Variants in KDM6A observed in about 807,000 individuals in gnomAD.
KDM6A encodes lysine-specific demethylase 6A.
In KDM6A, 11 loss-of-function variants were observed where a neutral mutation model predicts 117.6. That is an observed-to-expected ratio of 0.09 (90% CI 0.06 to 0.15). The LOEUF (loss-of-function observed/expected upper bound fraction) is 0.15, where lower values mean the gene tolerates loss of function less well. Among genes scored for constraint, KDM6A ranks in the 10% least tolerant of loss-of-function variants. KDM6A has a pLI of 1.00. For synonymous variants in KDM6A, 384 were observed against 396.1 expected (o/e 0.97, Z 0.36); for missense variants, 799 against 1,077.3 (o/e 0.74, Z 3.62).
At chrX:45,041,218 A>G (rs1447450418) in intron 8 of KDM6A, among the ~76,000 whole-genome samples, 5 of 68,324 alleles carry the variant, frequency 7.3e-5, no homozygotes, top group Admixed American at 4.3e-4. Flanking sequence ...CTGGCCGGGC[A>G]GAGGGGCTCC....
Position 44,979,443 on chromosome X carries a change from T to C in KDM6A, c.384+4728T>C, listed in dbSNP as rs1477856586. Among the ~76,000 whole-genome samples the C allele has an allele frequency of 2.7e-5, 3 of 109,523 alleles. No individual in the cohort carries two copies. The Admixed American group carries it at 2.9e-4, about 11-fold the overall frequency. Reference sequence around the variant, plus strand: ...GTTGTTCTTCCTTATCTTCTTCCTCTTCTTCATTGAGTTTTATGGGTTCTT... The same window carrying C: ...GTTGTTCTTCCTTATCTTCTTCCTCCTCTTCATTGAGTTTTATGGGTTCTT... On this transcript the variant is annotated intron_variant, in intron 4 of 29. Transcript: ENST00000611820.
chrX:44,974,591 G>A (rs193286328), intron 3 of KDM6A, 75 bp from the exon 4 acceptor site: 1 of 699,344 alleles, frequency 1.4e-6, no homozygotes, highest in Non-Finnish European at 2.3e-6. Context: ...TGGGAATCTT[G>A]TTACCGTGTT....
chrX:44,905,955 A>G (rs73488844), intron 2 of KDM6A, among the ~76,000 whole-genome samples: 24,402 of 111,215 alleles, frequency 0.22, 4,347 homozygotes, highest in African/African-American at 0.61. Context: ...TTTTTTTTCC[A>G]TTCTCTTTTA....
At chrX:45,024,716 T>C (rs2042299533) in intron 6 of KDM6A, among the ~76,000 whole-genome samples, 1 of 111,554 alleles carries the variant, frequency 9.0e-6, no homozygotes, top group African/African-American at 3.2e-5. Flanking sequence ...ACTCTTTGCC[T>C]AATGTCTAGA....
chrX:44,939,400 A>C (rs1434060740), intron 2 of KDM6A, among the ~76,000 whole-genome samples: 1 of 112,041 alleles, frequency 8.9e-6, no homozygotes, highest in Admixed American at 9.5e-5. Flanking sequence ...AAAGAATCAA[A>C]ATTAGAAGTG....
At chrX:45,029,961 G>A (rs1194113501) in intron 6 of KDM6A, among the ~76,000 whole-genome samples, 1 of 111,609 alleles carries the variant, frequency 9.0e-6, no homozygotes, top group African/African-American at 3.3e-5. Context: ...ATAAATGGTT[G>A]CTCATAGGAT....
intron 4 of KDM6A, among the ~76,000 whole-genome samples, chrX:44,977,875 T>A (rs1271056438): frequency 1.8e-5 from 2 of 112,729 alleles, no homozygotes; most frequent in African/African-American, 6.4e-5. Flanking sequence ...TATTTGTTCA[T>A]GTCTCTTGCC....
intron 3 of KDM6A, among the ~76,000 whole-genome samples, chrX:44,973,094 C>A (rs948673122): frequency 1.8e-5 from 2 of 110,617 alleles, no homozygotes; most frequent in Non-Finnish European, 3.8e-5. Flanking sequence ...TTCACATCAT[C>A]TATTTTGTAG....
At chrX:45,098,842 G>A (rs1441377341) in intron 27 of KDM6A, among the ~76,000 whole-genome samples, 1 of 111,671 alleles carries the variant, frequency 9.0e-6, no homozygotes, top group East Asian at 2.8e-4. Context: ...ATTCAACTAT[G>A]ATGGTTTTTC....
At chrX:44,917,626 G>A (rs1281070372) in intron 2 of KDM6A, among the ~76,000 whole-genome samples, 1 of 111,759 alleles carries the variant, frequency 8.9e-6, no homozygotes, top group Non-Finnish European at 1.9e-5. Context: ...ATGTGGGTAG[G>A]TTTTATTCCT....
intron 3 of KDM6A, among the ~76,000 whole-genome samples, chrX:44,969,791 G>A (rs2039247498): frequency 8.9e-6 from 1 of 111,893 alleles, no homozygotes; most frequent in African/African-American, 3.2e-5. Flanking sequence ...CATGAAATGT[G>A]TGTTTTCCAA....
chrX:44,894,538 CTT>C (rs1163934497), intron 2 of KDM6A, among the ~76,000 whole-genome samples: 1 of 109,991 alleles, frequency 9.1e-6, no homozygotes, highest in African/African-American at 3.3e-5. Flanking sequence ...GTAGTGTTCT[CTT>C]TGTTTTCATT....
At chrX:45,023,949 G>C (rs2147696062) in intron 6 of KDM6A, among the ~76,000 whole-genome samples, 1 of 111,994 alleles carries the variant, frequency 8.9e-6, no homozygotes, top group Non-Finnish European at 1.9e-5. Flanking sequence ...ACTCCATTCA[G>C]GTTGCTGCAA....
In KDM6A at chrX:45,082,762, C is replaced by A. The variant is rs2148144605; in HGVS notation, c.3413C>A (p.Thr1138Asn). The A allele has an allele frequency of 8.4e-7, 1 of 1,195,839 alleles. No homozygotes were observed. The highest frequency in any genetic ancestry group is 1.1e-6 in the Non-Finnish European group (1 of 881,873). Residue 1138 changes from threonine to asparagine, a missense_variant, in exon 23 of 30, where the codon ACC becomes AAC. By Grantham distance (65) the Thr-to-Asn change is moderately conservative. This residue lies in a region of KDM6A where 291 missense variants were observed against 437.9 expected (regional missense o/e 0.66). Coordinates refer to ENST00000611820, the MANE Select transcript of KDM6A (RefSeq NM_001291415.2). ...KGPFKTIKFG[T>N]NIDLSDDKKW... Reference sequence around the variant, plus strand: ...CCCTTTAAAACCATAAAGTTTGGGACCAATATTGACCTATCTGATGACAAA... The same window carrying A: ...CCCTTTAAAACCATAAAGTTTGGGAACAATATTGACCTATCTGATGACAAA...
rs749930925 is a variant in KDM6A, at chrX:45,058,975, G to GA, written c.876-30dup. 88 of 1,036,800 alleles carry GA rather than the reference G, an allele frequency of 8.5e-5. No homozygotes were observed. The Admixed American group carries it at 1.7e-3, about 20-fold the overall frequency. The allele number at this position is 1,036,800 out of a possible 1,213,427, so 85.4% of individuals were successfully genotyped here. ...GTTTCAGTATTAATGGAATTCTCTT[G>GA]ATTTTTTTTTTTTTTCCCTTCCCTT... On this transcript the variant is annotated intron_variant, in intron 10 of 29. Transcript: ENST00000611820.
intron 2 of KDM6A, among the ~76,000 whole-genome samples, chrX:44,932,371 A>G (rs2036686253): frequency 9.1e-6 from 1 of 109,913 alleles, no homozygotes; most frequent in South Asian, 3.9e-4. Context: ...TGGGCCTCCC[A>G]GAGTGCTGGG....
chrX:44,915,771 G>A (rs1192239056), intron 2 of KDM6A, among the ~76,000 whole-genome samples: 4 of 111,430 alleles, frequency 3.6e-5, no homozygotes, highest in Admixed American at 9.6e-5. Context: ...CAGATTGACC[G>A]TGGTGGTATC....
At chrX:44,997,440 T>C (rs1247691206) in intron 4 of KDM6A, among the ~76,000 whole-genome samples, 1 of 111,533 alleles carries the variant, frequency 9.0e-6, no homozygotes, top group Non-Finnish European at 1.9e-5. Flanking sequence ...CATGCTCCCC[T>C]CAACATCCTC....
chrX:44,945,504 A>G (rs937053895), intron 2 of KDM6A, among the ~76,000 whole-genome samples: 4 of 110,887 alleles, frequency 3.6e-5, no homozygotes, highest in Admixed American at 9.8e-5. Context: ...TGCCAAGAAT[A>G]TCACTTCAGT....
Sources: gnomAD v4.1 joint callset for allele counts (sites outside exome capture counted in the v4.1 genomes callset) on GRCh38, gnomAD v4.1.1 for gene constraint, gnomAD v4.1.1 regional missense constraint, MANE v1.5 for transcripts, NCBI Gene and HGNC (gene_info 2026-07-23, HGNC 2026-07-21) for gene names.